The following CTNNA2 variants were observed in gnomAD, a reference collection of about 807,000 sequenced individuals.
CTNNA2 encodes the protein catenin alpha 2, also known as catenin alpha-2.
In CTNNA2, 42 loss-of-function variants were observed where a neutral mutation model predicts 101.0. That is an observed-to-expected ratio of 0.42 (90% CI 0.32 to 0.54). CTNNA2 has a LOEUF of 0.54. Among genes scored for constraint, CTNNA2 ranks in the 20% least tolerant of loss-of-function variants. The probability of loss-of-function intolerance (pLI) is 0.14; values close to 1 mark genes in which losing one functional copy is unlikely to be tolerated. For missense variants in CTNNA2, 871 were observed against 1,223.1 expected, an observed-to-expected ratio of 0.71 and a Z score of 4.29; for synonymous variants, 450 against 456.4, an observed-to-expected ratio of 0.99 and a Z score of 0.18.
chr2:79,191,504 A>G (rs1673869946), intron 1 of CTNNA2, among the ~76,000 whole-genome samples: 1 of 152,200 alleles, frequency 6.6e-6, no homozygotes, highest in Non-Finnish European at 1.5e-5. Flanking sequence ...GTCACAGACT[A>G]AACTTGTAAT....
At chr2:79,551,229 T>C (rs1674080497) in intron 1 of CTNNA2, among the ~76,000 whole-genome samples, 1 of 152,092 alleles carries the variant, frequency 6.6e-6, no homozygotes, top group Non-Finnish European at 1.5e-5. Flanking sequence ...CATCTGTGAT[T>C]ATCTGTGCTT....
chr2:80,104,210 G>A (rs1019324625), intron 7 of CTNNA2, among the ~76,000 whole-genome samples: 24 of 152,136 alleles, frequency 1.6e-4, no homozygotes, highest in African/African-American at 5.3e-4. Flanking sequence ...TCAAGAGTTG[G>A]TTCTCCACTC....
At chr2:79,881,588 T>C (rs1683428855) in intron 6 of CTNNA2, among the ~76,000 whole-genome samples, 1 of 152,092 alleles carries the variant, frequency 6.6e-6, no homozygotes, top group African/African-American at 2.4e-5. Flanking sequence ...TTTTTGATCT[T>C]GTAGGTTTAA....
At chr2:80,478,322 T>C (rs1284760512) in intron 9 of CTNNA2, among the ~76,000 whole-genome samples, 1 of 152,138 alleles carries the variant, frequency 6.6e-6, no homozygotes, top group African/African-American at 2.4e-5. Flanking sequence ...AATTTGCAAA[T>C]ATTTTCTCCC....
At chr2:79,537,963 G>A (rs192946288) in intron 1 of CTNNA2, among the ~76,000 whole-genome samples, 6 of 152,044 alleles carry the variant, frequency 3.9e-5, no homozygotes, top group East Asian at 3.9e-4. Flanking sequence ...TTCATTTAGC[G>A]AATATGAACA....
At chr2:79,502,111 C>T (rs1444466144) in intron 4 of CTNNA2, among the ~76,000 whole-genome samples, 1 of 151,842 alleles carries the variant, frequency 6.6e-6, no homozygotes, top group African/African-American at 2.4e-5. Context: ...TTAGCAAACA[C>T]CTGGGGCACA....
chr2:80,235,916 AG>A (rs995697878), intron 7 of CTNNA2, among the ~76,000 whole-genome samples: 22 of 152,296 alleles, frequency 1.4e-4, no homozygotes, highest in Admixed American at 1.2e-3. Context: ...CCAGGTATGA[AG>A]CCCAGTACTC....
chr2:79,912,174 T>C (rs1276690575), intron 7 of CTNNA2, among the ~76,000 whole-genome samples: 2 of 152,222 alleles, frequency 1.3e-5, no homozygotes, highest in African/African-American at 4.8e-5. Flanking sequence ...AAAATCAGCA[T>C]AACTGACATT....
At chr2:80,370,578 A>AG (rs1675352120) in intron 7 of CTNNA2, among the ~76,000 whole-genome samples, 1 of 152,150 alleles carries the variant, frequency 6.6e-6, no homozygotes, top group Non-Finnish European at 1.5e-5. Flanking sequence ...GGAGAAAAAA[A>AG]CTTAAAAATT....
intron 1 of CTNNA2, among the ~76,000 whole-genome samples, chr2:79,594,933 TTTC>T (rs1677090745): frequency 6.6e-6 from 1 of 152,132 alleles, no homozygotes; most frequent in Admixed American, 6.5e-5. Flanking sequence ...TCTCAGGTCC[TTTC>T]TTCTTTTTTT....
intron 1 of CTNNA2, among the ~76,000 whole-genome samples, chr2:79,549,472 T>C (rs1307509617): frequency 1.3e-5 from 2 of 152,210 alleles, no homozygotes; most frequent in Non-Finnish European, 2.9e-5. Context: ...GAGTTCAGTA[T>C]GACAAAAGAC....
intron 9 of CTNNA2, among the ~76,000 whole-genome samples, chr2:80,492,055 T>C (rs931836987): frequency 2.0e-5 from 3 of 152,182 alleles, no homozygotes; most frequent in Non-Finnish European, 4.4e-5. Context: ...GGTGTGGATT[T>C]GTGTCCCCAC....
At chr2:80,461,386 C>G (rs951310100) in intron 9 of CTNNA2, among the ~76,000 whole-genome samples, 35 of 152,088 alleles carry the variant, frequency 2.3e-4, no homozygotes, top group African/African-American at 8.2e-4. Flanking sequence ...TCCCTCACCT[C>G]CCTACTCCTT....
At chr2:79,798,048 A>G (rs1300331952) in intron 3 of CTNNA2, among the ~76,000 whole-genome samples, 2 of 152,170 alleles carry the variant, frequency 1.3e-5, no homozygotes, top group African/African-American at 4.8e-5. Context: ...TTCTCCAAGC[A>G]TAGTCCCAAG....
intron 7 of CTNNA2, among the ~76,000 whole-genome samples, chr2:80,376,420 G>C (rs1050732120): frequency 6.7e-6 from 1 of 149,702 alleles, no homozygotes; most frequent in Non-Finnish European, 1.5e-5. Flanking sequence ...GCAAACTAGA[G>C]AGATGAAGTT....
intron 3 of CTNNA2, among the ~76,000 whole-genome samples, chr2:79,322,936 G>A (rs1676657981): frequency 6.6e-6 from 1 of 152,180 alleles, no homozygotes; most frequent in Admixed American, 6.5e-5. Flanking sequence ...TGCGAGAGAA[G>A]TTTCCAAGTT....
chr2:80,591,501 C>A (rs1696509227), intron 15 of CTNNA2, among the ~76,000 whole-genome samples: 1 of 121,794 alleles, frequency 8.2e-6, no homozygotes, highest in Admixed American at 9.6e-5. Flanking sequence ...CTGACTAGTG[C>A]CTTTCTTTGT....
rs1052356129 is a variant in CTNNA2, at chr2:80,170,852, TA to T, written c.1057-222357del. 6.6e-4 allele frequency among the ~76,000 whole-genome samples: 101 copies of T among 152,300 alleles called. 1 individual carries two copies. The highest frequency in any genetic ancestry group is 1.9e-3 in the African/African-American group (81 of 41,570). On this transcript the variant is annotated intron_variant, in intron 7 of 18. Transcript: ENST00000402739. ...GTTATGCTGGGGTTGCTTTTATATT[TA>T]ACTGCTCTATACACTGAAAGGGTAC... is the stretch of plus-strand genomic sequence containing the variant.
chr2:80,415,089 A>C (rs1335121372), intron 8 of CTNNA2, among the ~76,000 whole-genome samples: 1 of 152,212 alleles, frequency 6.6e-6, no homozygotes, highest in Admixed American at 6.5e-5. Flanking sequence ...CGTAGCTAAT[A>C]AACTTCAAAA....
Sources: gnomAD v4.1 joint callset for allele counts (sites outside exome capture counted in the v4.1 genomes callset) on GRCh38, gnomAD v4.1.1 for gene constraint, MANE v1.5 for transcripts, NCBI Gene and HGNC (gene_info 2026-07-23, HGNC 2026-07-21) for gene names.